The following EGF variants were observed in gnomAD, a reference collection of about 807,000 sequenced individuals.
The protein encoded by EGF is pro-epidermal growth factor.
EGF carries 95 observed loss-of-function variants against 143.8 expected under a neutral mutation model. The ratio of observed to expected loss-of-function variants is 0.66; its 90% confidence interval spans 0.56 to 0.78. The LOEUF (loss-of-function observed/expected upper bound fraction) is 0.78, where lower values mean the gene tolerates loss of function less well. Among genes scored for constraint, EGF ranks in the 30% least tolerant of loss-of-function variants. EGF has a pLI of 0.00. For synonymous variants in EGF, 510 were observed against 510.5 expected (o/e 1.00, Z 0.01); for missense variants, 1,320 against 1,470.9 (o/e 0.90, Z 1.68).
At chr4:109,926,159 C>G (rs1738600554) in intron 1 of EGF, among the ~76,000 whole-genome samples, 1 of 152,042 alleles carries the variant, frequency 6.6e-6, no homozygotes, top group African/African-American at 2.4e-5. Context: ...TTGTGACCAG[C>G]CTAGGCAACA....
At position 109,964,587 on chromosome 4, in the gene EGF, A is replaced by G. The variant is rs11568961; in HGVS notation, c.1575+50A>G. 4,880 of 1,612,106 alleles carry G rather than the reference A, an allele frequency of 3.0e-3. 137 individuals are homozygous for G. In the African/African-American group the frequency reaches 0.056, roughly 19 times the overall value. On this transcript the variant is annotated intron_variant, in intron 10 of 23. Transcript: ENST00000265171. ...TGTGGACATGCTTTAAGGACAGAGTAGAGGATTTTATCCTAACAAATGACC... is the reference window on the plus strand; with the variant it reads ...TGTGGACATGCTTTAAGGACAGAGTGGAGGATTTTATCCTAACAAATGACC...
intron 15 of EGF, among the ~76,000 whole-genome samples, chr4:109,981,188 C>T (rs1256829042): frequency 6.6e-6 from 1 of 152,144 alleles, no homozygotes; most frequent in African/African-American, 2.4e-5. Context: ...CTAGTGGTAA[C>T]AGTCTTAAGC....
intron 16 of EGF, among the ~76,000 whole-genome samples, chr4:109,986,070 C>G (rs540252402): frequency 1.5e-4 from 23 of 152,108 alleles, no homozygotes; most frequent in Non-Finnish European, 3.1e-4. Flanking sequence ...GAAATTGTCA[C>G]TGCTGTTTTA....
rs11098056 is a variant in EGF at position 109,944,222 on chromosome 4, G to T, written c.737+153G>T. Among the ~76,000 whole-genome samples, 58,545 of 152,050 alleles carry T rather than the reference G, an allele frequency of 0.39. 11,632 individuals are homozygous for T. Among genetic ancestry groups the T allele is most frequent in the East Asian group, 0.5 (2,593 of 5,160 alleles). On this transcript the variant is annotated intron_variant, in intron 4 of 23. Coordinates refer to ENST00000265171, the MANE Select transcript of EGF (RefSeq NM_001963.6). ...AGTTTGGCCGGGCGCGGCGGATCACGAGGTCAGGAGATCGAGACCATCCTG... is the reference window on the plus strand; with the variant it reads ...AGTTTGGCCGGGCGCGGCGGATCACTAGGTCAGGAGATCGAGACCATCCTG...
intron 12 of EGF, 148 bp downstream of exon 12, chr4:109,974,955 G>T (rs1181451785): frequency 3.3e-6 from 2 of 597,446 alleles, no homozygotes; most frequent in African/African-American, 1.9e-5. Flanking sequence ...TTAATGTCTT[G>T]ATTTTCTATT....
chr4:109,995,001 A>G, intron 20 of EGF, 121 bp downstream of exon 20: 2 of 1,259,712 alleles, frequency 1.6e-6, no homozygotes, highest in Non-Finnish European at 2.3e-6. Context: ...TTGGAAAAAT[A>G]TAAACATACA....
intron 2 of EGF, among the ~76,000 whole-genome samples, chr4:109,942,811 A>G (rs559395608): frequency 2.5e-4 from 38 of 152,322 alleles, no homozygotes; most frequent in African/African-American, 8.9e-4. Context: ...TGAGAAATTC[A>G]TCGAGTTCAT....
intron 18 of EGF, among the ~76,000 whole-genome samples, chr4:109,988,955 C>T (rs1192547569): frequency 6.6e-6 from 1 of 152,168 alleles, no homozygotes; most frequent in Non-Finnish European, 1.5e-5. Context: ...TACTCCTCTG[C>T]CTTTCTAATT....
intron 18 of EGF, among the ~76,000 whole-genome samples, chr4:109,989,799 A>C (rs1235810169): frequency 6.6e-6 from 1 of 152,064 alleles, no homozygotes; most frequent in Admixed American, 6.5e-5. Context: ...TTACTAACTC[A>C]TCTCCTTCCA....
chr4:109,951,146 AAAAATAAAAT>A (rs59869160), intron 5 of EGF, among the ~76,000 whole-genome samples: 9,240 of 132,902 alleles, frequency 0.07, 507 homozygotes, highest in East Asian at 0.24. Flanking sequence ...GTCTCTACTA[AAAAATAAAAT>A]AAAATAAAAT....
rs548354813 is a variant in EGF, at chr4:109,953,166, T to C, written c.941-6146T>C. Among the ~76,000 whole-genome samples the C allele has an allele frequency of 2.6e-5, 4 of 152,346 alleles. No homozygotes were observed. The South Asian group carries it at 8.3e-4, about 32-fold the overall frequency. On this transcript the variant is annotated intron_variant, in intron 5 of 23. Coordinates refer to ENST00000265171, the MANE Select transcript of EGF (RefSeq NM_001963.6). ...GGCACTGCAGGTGGTTCTGTAAGCT[T>C]CCCCTTTGTACCACATTAAAAGGCA...
At chr4:109,957,761 T>G (rs1745030067) in intron 5 of EGF, among the ~76,000 whole-genome samples, 1 of 152,230 alleles carries the variant, frequency 6.6e-6, no homozygotes, top group African/African-American at 2.4e-5. Flanking sequence ...CCTTAGGTCC[T>G]CAGCTTTTCC....
At chr4:110,004,080 TC>T (rs1752915145) in intron 21 of EGF, among the ~76,000 whole-genome samples, 1 of 152,096 alleles carries the variant, frequency 6.6e-6, no homozygotes, top group South Asian at 2.1e-4. Flanking sequence ...GCCCCACTCC[TC>T]CCTGCAAAAT....
At chr4:109,990,305 T>G (rs541441911) in intron 18 of EGF, among the ~76,000 whole-genome samples, 2 of 152,182 alleles carry the variant, frequency 1.3e-5, no homozygotes, top group Non-Finnish European at 2.9e-5. Flanking sequence ...TGATCAGTGA[T>G]GAAGAAGAGT....
intron 9 of EGF, among the ~76,000 whole-genome samples, chr4:109,963,757 T>G (rs1208052422): frequency 2.0e-5 from 3 of 152,218 alleles, no homozygotes; most frequent in African/African-American, 7.2e-5. Flanking sequence ...CTTGCATCCT[T>G]CAACAGCCAT....
chr4:109,993,954 A>G lies in EGF; in HGVS notation c.2857+585A>G, dbSNP rs41535246. Among the ~76,000 whole-genome samples, 717 of 151,896 alleles carry G rather than the reference A, an allele frequency of 4.7e-3. 10 individuals are homozygous for G. The highest frequency in any genetic ancestry group is 0.016 in the African/African-American group (670 of 41,386). On this transcript the variant is annotated intron_variant, in intron 19 of 23. Coordinates refer to ENST00000265171, the MANE Select transcript of EGF (RefSeq NM_001963.6). ...GACCAGGATGGGGGTCTTTCCCATC[A>G]CTGCCCACTTTTTGCCTGTCAGCCC...
At chr4:109,917,222 T>C (rs1179324244) in intron 1 of EGF, among the ~76,000 whole-genome samples, 2 of 152,188 alleles carry the variant, frequency 1.3e-5, no homozygotes, top group Non-Finnish European at 2.9e-5. Flanking sequence ...ATTAAAAGCA[T>C]ATAAAAATGG....
At chr4:109,920,571 C>G (rs1737597965) in intron 1 of EGF, among the ~76,000 whole-genome samples, 1 of 151,462 alleles carries the variant, frequency 6.6e-6, no homozygotes, top group Non-Finnish European at 1.5e-5. Flanking sequence ...AAATCTTTTT[C>G]AAGAAATTTT....
intron 6 of EGF, 79 bp downstream of exon 6, chr4:109,959,516 G>A (rs1437264087): frequency 6.2e-7 from 1 of 1,608,718 alleles, no homozygotes; most frequent in African/African-American, 1.3e-5. Flanking sequence ...CCAGCGGCTT[G>A]TCTTCAGTGG....
Sources: allele counts gnomAD v4.1 joint callset (sites outside exome capture counted in the v4.1 genomes callset), GRCh38; gene constraint gnomAD v4.1.1; transcripts MANE v1.5; gene names NCBI Gene and HGNC (gene_info 2026-07-23, HGNC 2026-07-21).